Variants in PRKG1 observed in about 807,000 individuals in gnomAD.
The protein encoded by PRKG1 is cGMP-dependent protein kinase 1.
PRKG1 carries 35 observed loss-of-function variants against 88.1 expected under a neutral mutation model. That is an observed-to-expected ratio of 0.40 (90% confidence interval 0.30 to 0.53). PRKG1 has a LOEUF of 0.53. PRKG1 is among the 20% of genes least tolerant of loss of function. PRKG1 has a pLI of 0.59. For missense variants in PRKG1, 540 were observed against 839.8 expected (o/e 0.64, Z 4.41); for synonymous variants, 303 against 292.5 (o/e 1.04, Z -0.37).
At chr10:51,455,624 A>G (rs1839563413) in intron 2 of PRKG1, among the ~76,000 whole-genome samples, 2 of 152,184 alleles carry the variant, frequency 1.3e-5, no homozygotes, top group South Asian at 4.1e-4. Context: ...CAGGGGCAAA[A>G]TGCCACCAAT....
chr10:51,467,027 A>G (rs1283182777), intron 2 of PRKG1, among the ~76,000 whole-genome samples: 1 of 152,084 alleles, frequency 6.6e-6, no homozygotes, highest in Non-Finnish European at 1.5e-5. Flanking sequence ...TTATCTCATG[A>G]ATAACATTTG....
chr10:52,193,569 A>AC (rs1839427322), intron 9 of PRKG1, among the ~76,000 whole-genome samples: 1 of 140,790 alleles, frequency 7.1e-6, no homozygotes, highest in African/African-American at 2.6e-5. Context: ...AAAACAAAAA[A>AC]AAAAAACAAA....
intron 5 of PRKG1, among the ~76,000 whole-genome samples, chr10:51,919,018 G>A (rs1426625942): frequency 6.6e-6 from 1 of 152,126 alleles, no homozygotes; most frequent in Non-Finnish European, 1.5e-5. Context: ...TTTAGCCACA[G>A]AATACAAAGC....
At chr10:51,769,589 A>G (rs1838250983) in intron 3 of PRKG1, among the ~76,000 whole-genome samples, 1 of 152,192 alleles carries the variant, frequency 6.6e-6, no homozygotes, top group Non-Finnish European at 1.5e-5. Context: ...AGGTGTTATG[A>G]CATATTAAGC....
chr10:51,320,471 A>T (rs1420219034), intron 2 of PRKG1: 2 of 153,652 alleles, frequency 1.3e-5, no homozygotes, highest in East Asian at 3.8e-4. Context: ...AAAGTGGAGA[A>T]CAGCCCCTGG....
chr10:51,911,472 T>G (rs982847226), intron 5 of PRKG1, among the ~76,000 whole-genome samples: 9 of 152,216 alleles, frequency 5.9e-5, no homozygotes, highest in African/African-American at 2.2e-4. Flanking sequence ...TTTAGTATTT[T>G]ATGTCAGATT....
chr10:51,925,715 G>A (rs902251107), intron 5 of PRKG1, among the ~76,000 whole-genome samples: 1 of 152,132 alleles, frequency 6.6e-6, no homozygotes, highest in Non-Finnish European at 1.5e-5. Context: ...AGACCCATTA[G>A]AGTTTCTAGG....
intron 4 of PRKG1, among the ~76,000 whole-genome samples, chr10:51,897,489 T>C (rs1300421853): frequency 6.6e-6 from 1 of 152,212 alleles, no homozygotes; most frequent in Non-Finnish European, 1.5e-5. Flanking sequence ...TTTTGGCTTA[T>C]AGATATGGGG....
intron 3 of PRKG1, among the ~76,000 whole-genome samples, chr10:51,748,982 T>A (rs1837649590): frequency 6.6e-6 from 1 of 152,224 alleles, no homozygotes; most frequent in Admixed American, 6.5e-5. Context: ...AAAATACTCT[T>A]CTACATTTTA....
At chr10:51,591,426 C>T (rs1226919600) in intron 3 of PRKG1, among the ~76,000 whole-genome samples, 1 of 152,128 alleles carries the variant, frequency 6.6e-6, no homozygotes, top group Non-Finnish European at 1.5e-5. Flanking sequence ...TTAAATGGCA[C>T]ATTTGAAAGA....
intron 4 of PRKG1, among the ~76,000 whole-genome samples, chr10:51,861,631 A>T (rs1476384084): frequency 6.6e-6 from 1 of 152,232 alleles, no homozygotes; most frequent in African/African-American, 2.4e-5. Flanking sequence ...CCAATATAGA[A>T]AATTAGCTAT....
At chr10:51,376,717 C>T (rs193148686) in intron 2 of PRKG1, among the ~76,000 whole-genome samples, 1 of 152,176 alleles carries the variant, frequency 6.6e-6, no homozygotes, top group African/African-American at 2.4e-5. Context: ...TCTTGTAGCC[C>T]AGGCTGGAGT....
chr10:51,548,599 TCTA>T (rs544824396), intron 3 of PRKG1, among the ~76,000 whole-genome samples: 158 of 152,250 alleles, frequency 1.0e-3, no homozygotes, highest in African/African-American at 3.6e-3. Flanking sequence ...TTCGTAACAC[TCTA>T]CTATGTGCCT....
At chr10:51,102,323 C>G (rs1048109895) in intron 1 of PRKG1, among the ~76,000 whole-genome samples, 1 of 152,090 alleles carries the variant, frequency 6.6e-6, no homozygotes, top group Non-Finnish European at 1.5e-5. Flanking sequence ...ACAACCTGCT[C>G]TTGTGAGCTG....
intron 3 of PRKG1, chr10:51,699,076 A>G (rs1564612383): frequency 6.2e-7 from 1 of 1,614,122 alleles, no homozygotes; most frequent in Non-Finnish European, 8.5e-7. Flanking sequence ...ACATGTTTCG[A>G]GCTTCCTGGT....
At chr10:51,879,885 A>G (rs1277620645) in intron 4 of PRKG1, among the ~76,000 whole-genome samples, 1 of 152,240 alleles carries the variant, frequency 6.6e-6, no homozygotes, top group Non-Finnish European at 1.5e-5. Context: ...CCTGAATCCC[A>G]CAGCGGGCCA....
At chr10:51,441,316 T>C (rs1042375197) in intron 2 of PRKG1, among the ~76,000 whole-genome samples, 2 of 152,062 alleles carry the variant, frequency 1.3e-5, no homozygotes, top group African/African-American at 4.8e-5. Flanking sequence ...AACTAAAGCA[T>C]GGAAGAAGAG....
At chr10:51,642,260 C>T (rs1199259497) in intron 3 of PRKG1, among the ~76,000 whole-genome samples, 1 of 151,996 alleles carries the variant, frequency 6.6e-6, no homozygotes, top group Non-Finnish European at 1.5e-5. Context: ...CGTGGTGGTG[C>T]GCGCCTATAA....
In PRKG1 at chr10:51,663,050, T is replaced by A. The variant is rs182292524; in HGVS notation, c.593-141535T>A. On this transcript the variant is annotated intron_variant, in intron 3 of 17. Transcript: ENST00000373980. ...AGGAGTGGTATGATTAGAATTAGGT[T>A]TTAAATAATGAATTTTAGCAGGTAA... 7.7e-4 allele frequency among the ~76,000 whole-genome samples: 117 copies of A among 152,156 alleles called. 6 individuals carry two copies. In the East Asian group the frequency reaches 0.022, roughly 28 times the overall value.
Sources: allele counts gnomAD v4.1 joint callset (sites outside exome capture counted in the v4.1 genomes callset), GRCh38; gene constraint gnomAD v4.1.1; transcripts MANE v1.5; gene names NCBI Gene and HGNC (gene_info 2026-07-23, HGNC 2026-07-21).